FRMD4B: variants seen among roughly 807,000 people sequenced by gnomAD.
FRMD4B encodes the protein FERM domain containing 4B.
Under a neutral mutation model 141.5 loss-of-function variants are expected in FRMD4B, and 74 were observed. That is an observed-to-expected ratio of 0.52 (90% CI 0.43 to 0.63). The LOEUF (loss-of-function observed/expected upper bound fraction) is 0.63, where lower values mean the gene tolerates loss of function less well. Among genes scored for constraint, FRMD4B ranks in the 30% least tolerant of loss-of-function variants. The probability of loss-of-function intolerance (pLI) is 0.00; values close to 1 mark genes in which losing one functional copy is unlikely to be tolerated. For missense variants in FRMD4B, 1,366 were observed against 1,253.4 expected, an observed-to-expected ratio of 1.09 and a Z score of -1.36; for synonymous variants, 506 against 467.9, an observed-to-expected ratio of 1.08 and a Z score of -1.05.
At chr3:69,486,951 G>T (rs932126446) in intron 1 of FRMD4B, among the ~76,000 whole-genome samples, 1 of 152,146 alleles carries the variant, frequency 6.6e-6, no homozygotes, top group Non-Finnish European at 1.5e-5. Flanking sequence ...TGCCCCCAAG[G>T]TCTCTTGTTT....
chr3:69,475,224 A>C (rs896530167), intron 1 of FRMD4B, among the ~76,000 whole-genome samples: 1 of 151,460 alleles, frequency 6.6e-6, no homozygotes, highest in African/African-American at 2.4e-5. Flanking sequence ...TTATTATTAT[A>C]CTTTAAGTTT....
chr3:69,486,909 A>C (rs1706224423), intron 1 of FRMD4B, among the ~76,000 whole-genome samples: 1 of 152,188 alleles, frequency 6.6e-6, no homozygotes, highest in South Asian at 2.1e-4. Flanking sequence ...TGAAAAGACA[A>C]AACAGGATAA....
chr3:69,294,400 A>G (rs1700974877), intron 4 of FRMD4B, among the ~76,000 whole-genome samples: 1 of 152,210 alleles, frequency 6.6e-6, no homozygotes, highest in South Asian at 2.1e-4. Flanking sequence ...CTCCAAACAC[A>G]TCACTTTCTG....
intron 11 of FRMD4B, among the ~76,000 whole-genome samples, chr3:69,215,282 C>CTTTTTTTTTTTTTTTTTTTTTTTTTTTT (rs1559724064): frequency 2.7e-5 from 1 of 37,474 alleles, no homozygotes; most frequent in African/African-American, 6.6e-5. Context: ...GATTGTGACC[C>CTTTTTTTTTTTTTTTTTTTTTTTTTTTT]TCTTTTTTTT....
At chr3:69,205,553 T>A (rs2093016400) in intron 11 of FRMD4B, among the ~76,000 whole-genome samples, 1 of 152,016 alleles carries the variant, frequency 6.6e-6, no homozygotes, top group African/African-American at 2.4e-5. Flanking sequence ...CTGTGGTGAT[T>A]TTTGCACCCC....
chr3:69,299,749 G>A (rs1388187276), intron 4 of FRMD4B, among the ~76,000 whole-genome samples: 5 of 151,896 alleles, frequency 3.3e-5, no homozygotes, highest in African/African-American at 9.7e-5. Context: ...AAATAACAGC[G>A]GTACACATGC....
chr3:69,261,052 T>C (rs113007909), intron 5 of FRMD4B, among the ~76,000 whole-genome samples: 5,317 of 152,278 alleles, frequency 0.035, 153 homozygotes, highest in East Asian at 0.1. Flanking sequence ...TAAAAGCAGG[T>C]TGCCAGAGCC....
chr3:69,373,889 G>C (rs2314986), intron 1 of FRMD4B, among the ~76,000 whole-genome samples: 1 of 152,130 alleles, frequency 6.6e-6, no homozygotes, highest in African/African-American at 2.4e-5. Context: ...TCAATCAATC[G>C]ATTAATAAAT....
At chr3:69,511,818 C>A (rs976137693) in intron 1 of FRMD4B, among the ~76,000 whole-genome samples, 1 of 152,168 alleles carries the variant, frequency 6.6e-6, no homozygotes, top group Non-Finnish European at 1.5e-5. Flanking sequence ...CCCCACTTAC[C>A]CCTGCACTGT....
chr3:69,258,759 A>T (rs1225448324), intron 5 of FRMD4B, among the ~76,000 whole-genome samples: 3 of 152,104 alleles, frequency 2.0e-5, no homozygotes, highest in African/African-American at 7.2e-5. Context: ...TTCTCCTTTG[A>T]CATGCCCTTC....
intron 1 of FRMD4B, among the ~76,000 whole-genome samples, chr3:69,329,027 T>C (rs983001822): frequency 3.3e-5 from 5 of 152,118 alleles, no homozygotes; most frequent in Admixed American, 2.0e-4. Flanking sequence ...TCTTTCCTGC[T>C]CGAGATCTAA....
chr3:69,535,841 G>A (rs1701076492), intron 1 of FRMD4B: 2 of 467,954 alleles, frequency 4.3e-6, no homozygotes, highest in African/African-American at 2.0e-5. Flanking sequence ...GCCCCTTTAG[G>A]AGCCTTGGTC....
chr3:69,274,782 G>T (rs1420693199), intron 5 of FRMD4B, among the ~76,000 whole-genome samples: 1 of 152,108 alleles, frequency 6.6e-6, no homozygotes, highest in African/African-American at 2.4e-5. Context: ...GCCTTCCAAA[G>T]TTCTTGGATT....
chr3:69,456,677 A>G (rs1368520470), intron 1 of FRMD4B, among the ~76,000 whole-genome samples: 1 of 151,934 alleles, frequency 6.6e-6, no homozygotes, highest in African/African-American at 2.4e-5. Context: ...CACAACAGAC[A>G]CTAATGAATA....
At chr3:69,444,221 C>T (rs980526107) in intron 1 of FRMD4B, among the ~76,000 whole-genome samples, 9 of 152,174 alleles carry the variant, frequency 5.9e-5, no homozygotes, top group South Asian at 2.1e-4. Context: ...TTCTGCTTGG[C>T]CAGCCTTGCA....
intron 11 of FRMD4B, among the ~76,000 whole-genome samples, chr3:69,209,328 T>C (rs1001887896): frequency 6.6e-6 from 1 of 152,114 alleles, no homozygotes; most frequent in Admixed American, 6.6e-5. Flanking sequence ...AAGTTCCATG[T>C]TTTACGAGAA....
chr3:69,326,786 G>T (rs983426863), intron 1 of FRMD4B, among the ~76,000 whole-genome samples: 2 of 152,168 alleles, frequency 1.3e-5, no homozygotes, highest in African/African-American at 4.8e-5. Flanking sequence ...TATTCTGACT[G>T]TGCTTTTCCA....
At chr3:69,439,284 A>C (rs1213227650) in intron 1 of FRMD4B, among the ~76,000 whole-genome samples, 1 of 152,158 alleles carries the variant, frequency 6.6e-6, no homozygotes, top group East Asian at 1.9e-4. Flanking sequence ...GATTTTTGTT[A>C]TAACAAAGGA....
At chr3:69,235,797 T>C (rs1489755315) in intron 7 of FRMD4B, among the ~76,000 whole-genome samples, 7 of 152,218 alleles carry the variant, frequency 4.6e-5, no homozygotes, top group African/African-American at 1.7e-4. Context: ...TCAGTGTCCC[T>C]ATTTCATGGA....
Sources: allele counts gnomAD v4.1 joint callset (sites outside exome capture counted in the v4.1 genomes callset), GRCh38; gene constraint gnomAD v4.1.1; transcripts MANE v1.5; gene names NCBI Gene and HGNC (gene_info 2026-07-23, HGNC 2026-07-21).